Variants in CLDN11 observed in about 807,000 individuals in gnomAD.
The protein encoded by CLDN11 is claudin 11.
In CLDN11, 1 loss-of-function variant was observed where a neutral mutation model predicts 18.0. That is an observed-to-expected ratio of 0.06 (90% CI 0.02 to 0.26). The LOEUF is 0.26. Ranked by LOEUF, CLDN11 falls within the 10% of genes least tolerant of loss-of-function variation. The pLI, the probability that CLDN11 is intolerant of heterozygous loss-of-function variation, is 1.00. For synonymous variants in CLDN11, 116 were observed against 121.5 expected, an observed-to-expected ratio of 0.96 and a Z score of 0.30; for missense variants, 172 against 276.6, an observed-to-expected ratio of 0.62 and a Z score of 2.68.
intron 2 of CLDN11, among the ~76,000 whole-genome samples, chr3:170,427,999 A>G (rs1260346832): frequency 6.6e-6 from 1 of 151,800 alleles, no homozygotes; most frequent in Non-Finnish European, 1.5e-5. Context: ...CCTACTAAAA[A>G]TACAAAAGTT....
chr3:170,419,810 T>G lies in CLDN11; in HGVS notation c.226+518T>G, dbSNP rs1042287793. On this transcript the variant is annotated intron_variant, in intron 1 of 2. Coordinates refer to ENST00000064724, the MANE Select transcript of CLDN11 (RefSeq NM_005602.6). The surrounding 1 kb of genome is among the most constrained non-coding windows in gnomAD (Gnocchi z 8.6). ...AGCGCCCCCGGCCAGGTTAGAGCCCTCCTAGCTCCGTCCGCGCAGCCGCTG... is the reference window on the plus strand; with the variant it reads ...AGCGCCCCCGGCCAGGTTAGAGCCCGCCTAGCTCCGTCCGCGCAGCCGCTG... Among the ~76,000 whole-genome samples the G allele has an allele frequency of 6.6e-6, 1 of 152,238 alleles. No individual in the cohort carries two copies. The highest frequency in any genetic ancestry group is 2.4e-5 in the African/African-American group (1 of 41,470).
chr3:170,432,295 T>C (rs1739019270), intron 2 of CLDN11, among the ~76,000 whole-genome samples: 1 of 152,230 alleles, frequency 6.6e-6, no homozygotes, highest in Non-Finnish European at 1.5e-5. Context: ...ACACTGGAAT[T>C]GTTTTGTCTC....
intron 2 of CLDN11, among the ~76,000 whole-genome samples, chr3:170,430,618 A>G (rs1738975654): frequency 6.6e-6 from 1 of 151,290 alleles, no homozygotes; most frequent in African/African-American, 2.4e-5. Context: ...CGCTCACTGC[A>G]TGCAACCTCT....
chr3:170,420,831 A>T (rs1056466334), intron 1 of CLDN11, among the ~76,000 whole-genome samples: 2 of 152,146 alleles, frequency 1.3e-5, no homozygotes, highest in African/African-American at 4.8e-5. Flanking sequence ...AATCTGGGTG[A>T]GGGGGGACAA....
In CLDN11 at chr3:170,432,734, A is replaced by G. The variant is rs750138297; in HGVS notation, c.602A>G (p.His201Arg). ...ACTGCGGGCTCTAGCTCCCCGACTC[A>G]TGCGAAGAGTGCCCACGTATAAGAG... is the stretch of plus-strand genomic sequence containing the variant. ...YYTAGSSSPT[H>R]AKSAHV Residue 201 changes from histidine to arginine, a missense_variant, in exon 3 of 3, where the codon CAT becomes CGT. By Grantham distance (29) the His-to-Arg change is conservative (BLOSUM62 0). Around this residue, in one of 3 missense-constraint regions of CLDN11, gnomAD observed 161 missense variants for 240.3 expected, o/e 0.67. Coordinates refer to ENST00000064724, the MANE Select transcript of CLDN11 (RefSeq NM_005602.6). 6.2e-7 allele frequency: 1 copy of G among 1,614,092 alleles called. No homozygotes were observed. The highest frequency in any genetic ancestry group is 1.3e-5 in the African/African-American group (1 of 74,924).
intron 2 of CLDN11, among the ~76,000 whole-genome samples, chr3:170,429,498 T>C (rs962489827): frequency 1.3e-5 from 2 of 152,228 alleles, no homozygotes; most frequent in African/African-American, 4.8e-5. Flanking sequence ...AGAATTGAAA[T>C]GAGACTACTT....
At chr3:170,428,017 C>T (rs74493827) in intron 2 of CLDN11, among the ~76,000 whole-genome samples, 1 of 151,396 alleles carries the variant, frequency 6.6e-6, no homozygotes. Context: ...GTTAGGCCAG[C>T]CTGGTGGTGT....
At chr3:170,427,881 G>A (rs1261364062) in intron 2 of CLDN11, among the ~76,000 whole-genome samples, 1 of 151,798 alleles carries the variant, frequency 6.6e-6, no homozygotes, top group Admixed American at 6.6e-5. Flanking sequence ...ACTGGGGCCA[G>A]GCATGGTGGT....
rs1407232852 is a variant in CLDN11, at chr3:170,419,787, C to G, written c.226+495C>G. 1.3e-5 allele frequency among the ~76,000 whole-genome samples: 2 copies of G among 152,260 alleles called. No homozygotes were observed. The highest frequency in any genetic ancestry group is 6.5e-5 in the Admixed American group (1 of 15,292). On this transcript the variant is annotated intron_variant, in intron 1 of 2. Transcript: ENST00000064724. The surrounding 1 kb of genome is among the most constrained non-coding windows in gnomAD (Gnocchi z 8.6). ...CTCGGTCCTCATGGGATGGGCGAAG[C>G]GCCCCCGGCCAGGTTAGAGCCCTCC...
intron 2 of CLDN11, among the ~76,000 whole-genome samples, chr3:170,425,877 C>T (rs1046700418): frequency 6.6e-6 from 1 of 152,198 alleles, no homozygotes; most frequent in Non-Finnish European, 1.5e-5. Context: ...AAATGTAAAG[C>T]TCATTGTCTC....
chr3:170,422,874 C>T (rs1738757209), intron 1 of CLDN11, among the ~76,000 whole-genome samples: 1 of 152,232 alleles, frequency 6.6e-6, no homozygotes, highest in Non-Finnish European at 1.5e-5. Flanking sequence ...TGAACTTTCT[C>T]AGGGGGATGT....
In CLDN11 at chr3:170,419,008, C is replaced by CAGCCCA. The variant is rs1410984808; in HGVS notation, c.-58_-53dup. On this transcript the variant is annotated 5_prime_UTR_variant, in exon 1 of 3. Transcript: ENST00000064724. The surrounding 1 kb of genome is among the most constrained non-coding windows in gnomAD (Gnocchi z 8.6). ...GAGACGTACCTGGGCAGGCACTGTC[C>CAGCCCA]AGCCCAGGCCCAGGCACAGCCGTGA... is the stretch of plus-strand genomic sequence containing the variant. 4 of 1,329,490 alleles carry CAGCCCA rather than the reference C, an allele frequency of 3.0e-6. No individual in the cohort carries two copies. The highest frequency in any genetic ancestry group is 4.2e-6 in the Non-Finnish European group (4 of 950,210). The allele number at this position is 1,329,490 out of a possible 1,614,324, so 82.4% of individuals were successfully genotyped here.
In CLDN11 at chr3:170,434,399, G is replaced by A. The variant is rs191573902; in HGVS notation, c.*1643G>A. ...AAGTTCTCAGCATTATGCAGTTAAT[G>A]TCCTTCATCTACTTCTAACACTTAG... is the stretch of plus-strand genomic sequence containing the variant. On this transcript the variant is annotated 3_prime_UTR_variant, in exon 3 of 3. Coordinates refer to ENST00000064724, the MANE Select transcript of CLDN11 (RefSeq NM_005602.6). Among the ~76,000 whole-genome samples the A allele has an allele frequency of 4.6e-5, 7 of 152,310 alleles. No homozygotes were observed. Among genetic ancestry groups the A allele is most frequent in the Admixed American group, 2.6e-4 (4 of 15,300 alleles).
chr3:170,431,665 G>C (rs1216410775), intron 2 of CLDN11, among the ~76,000 whole-genome samples: 1 of 152,128 alleles, frequency 6.6e-6, no homozygotes, highest in Admixed American at 6.5e-5. Context: ...TGCTTATAAA[G>C]AGGTGAAAAA....
In CLDN11 at chr3:170,433,905, C is replaced by G. The variant is rs1739072490; in HGVS notation, c.*1149C>G. On this transcript the variant is annotated 3_prime_UTR_variant, in exon 3 of 3. Coordinates refer to ENST00000064724, the MANE Select transcript of CLDN11 (RefSeq NM_005602.6). ...AACACATTTTTAAAGCTTTCCCCCA[C>G]TTTTCTCTCTATTTGTATTGTTAGC... 1 of 152,572 alleles carries G rather than the reference C, an allele frequency of 6.6e-6. No homozygotes were observed. The highest frequency in any genetic ancestry group is 2.4e-5 in the African/African-American group (1 of 41,440). 9.5% of individuals were successfully genotyped at this position (152,572 alleles called of 1,614,324 possible).
chr3:170,420,060 G>A (rs933877070), intron 1 of CLDN11, among the ~76,000 whole-genome samples: 6 of 152,230 alleles, frequency 3.9e-5, no homozygotes, highest in African/African-American at 1.2e-4. Context: ...GAGATACGGA[G>A]CGCGCCGCCG....
At chr3:170,424,922 T>C (rs1332917992) in intron 2 of CLDN11, among the ~76,000 whole-genome samples, 1 of 37,746 alleles carries the variant, frequency 2.6e-5, no homozygotes, top group Admixed American at 2.9e-4. Context: ...CAAGGGTGTG[T>C]GTGTGTGTGT....
At chr3:170,427,730 A>T (rs1738892019) in intron 2 of CLDN11, among the ~76,000 whole-genome samples, 1 of 150,244 alleles carries the variant, frequency 6.7e-6, no homozygotes, top group Non-Finnish European at 1.5e-5. Flanking sequence ...GATTGCTTGA[A>T]CCCATGTGGC....
chr3:170,424,248 A>C lies in CLDN11; in HGVS notation c.391+921A>C, dbSNP rs1401685627. ...TGCTTTGAGTGTACTTGGAAACCTC[A>C]ATAGAATATGGTATGTGCTCATGTA... On this transcript the variant is annotated intron_variant, in intron 2 of 2. Coordinates refer to ENST00000064724, the MANE Select transcript of CLDN11 (RefSeq NM_005602.6). Among the ~76,000 whole-genome samples the C allele has an allele frequency of 2.0e-5, 3 of 152,122 alleles. No homozygotes were observed. In the East Asian group the frequency reaches 5.8e-4, roughly 29 times the overall value.
Sources: gnomAD v4.1 joint callset for allele counts (sites outside exome capture counted in the v4.1 genomes callset) on GRCh38, gnomAD v4.1.1 for gene constraint, gnomAD v4.1.1 regional missense constraint, Gnocchi (gnomAD v3.1) non-coding constraint, MANE v1.5 for transcripts, NCBI Gene and HGNC (gene_info 2026-07-23, HGNC 2026-07-21) for gene names.